CDYL: variants seen among roughly 807,000 people sequenced by gnomAD.
CDYL encodes chromodomain Y like.
A neutral mutation model predicts 47.3 loss-of-function variants in CDYL; 8 were observed. The observed-to-expected ratio is 0.17, with a 90% CI of 0.10 to 0.31. The LOEUF is 0.31. Among genes scored for constraint, CDYL ranks in the 10% least tolerant of loss-of-function variants. The pLI, the probability that CDYL is intolerant of heterozygous loss-of-function variation, is 1.00. For synonymous variants in CDYL, 266 were observed against 265.0 expected (o/e 1.00, Z -0.04); for missense variants, 471 against 701.4 (o/e 0.67, Z 3.71).
intron 1 of CDYL, among the ~76,000 whole-genome samples, chr6:4,788,962 C>T (rs1283394799): frequency 1.3e-5 from 2 of 152,124 alleles, no homozygotes; most frequent in Non-Finnish European, 1.5e-5. Flanking sequence ...AGTTAGAGCC[C>T]TCCCTGTCTT....
chr6:4,742,350 C>T lies in CDYL; in HGVS notation c.186+7506C>T, dbSNP rs1003324430. On this transcript the variant is annotated intron_variant, in intron 3 of 8. Coordinates refer to the CDYL transcript ENST00000328908. The stretch of plus-strand genomic sequence containing the variant: ...CACCACTGCACTCCAGCCTGGGTGA[C>T]AAAGATCCTGTCTCAAAAAAAAAAA... 6.2e-5 allele frequency among the ~76,000 whole-genome samples: 6 copies of T among 97,102 alleles called. No homozygotes were observed. The Admixed American group carries it at 7.8e-4, about 13-fold the overall frequency. 63.7% of individuals were successfully genotyped at this position (97,102 alleles called of 152,430 possible).
chr6:4,776,751 CTGCCCCT>C lies in CDYL; in HGVS notation c.-32_-26del. The C allele has an allele frequency of 9.2e-7, 1 of 1,090,044 alleles. No individual in the cohort carries two copies. The highest frequency in any genetic ancestry group is 1.2e-6 in the Non-Finnish European group (1 of 822,060). The allele number at this position is 1,090,044 out of a possible 1,614,324, so 67.5% of individuals were successfully genotyped here. A position where few individuals can be genotyped will look rare whatever the true frequency, so the allele number is the denominator to read the frequency against. The stretch of plus-strand genomic sequence containing the variant: ...CCCGGCGCCGGCGCCCGCCCCGACC[CTGCCCCT>C]CCCGCCCGCAACTCCGCCGCCCACC... On this transcript the variant is annotated 5_prime_UTR_variant, in exon 1 of 7. Coordinates refer to ENST00000397588, the MANE Select transcript of CDYL (RefSeq NM_004824.4).
chr6:4,926,830 T>C (rs1757888607), intron 2 of CDYL, among the ~76,000 whole-genome samples: 1 of 152,228 alleles, frequency 6.6e-6, no homozygotes, highest in Non-Finnish European at 1.5e-5. Context: ...TTTTATTTTT[T>C]TCATGTATGA....
At chr6:4,896,359 G>A (rs1250309270) in intron 2 of CDYL, among the ~76,000 whole-genome samples, 2 of 152,222 alleles carry the variant, frequency 1.3e-5, no homozygotes, top group South Asian at 4.1e-4. Flanking sequence ...CTCCAAGAAA[G>A]CATTTTGTTT....
chr6:4,758,747 T>C (rs1758118674), intron 3 of CDYL, among the ~76,000 whole-genome samples: 1 of 152,094 alleles, frequency 6.6e-6, no homozygotes, highest in African/African-American at 2.4e-5. Flanking sequence ...AAAGTCACAA[T>C]TGACACTTTA....
Position 4,776,768 on chromosome 6 carries a change from A to AC in CDYL, c.-16_-15insC. ...CCCCGACCCTGCCCCTCCCGCCCGC[A>AC]ACTCCGCCGCCCACCATGGCTTCCG... On this transcript the variant is annotated 5_prime_UTR_variant, in exon 1 of 7. Transcript: ENST00000397588. The AC allele has an allele frequency of 1.9e-6, 1 of 516,246 alleles. No homozygotes were observed. Among genetic ancestry groups the AC allele is most frequent in the Non-Finnish European group, 2.7e-6 (1 of 372,362 alleles). The allele number at this position is 516,246 out of a possible 1,614,324, so 32.0% of individuals were successfully genotyped here. A position where few individuals can be genotyped will look rare whatever the true frequency, so the allele number is the denominator to read the frequency against.
chr6:4,851,166 G>A (rs928542648), intron 1 of CDYL, among the ~76,000 whole-genome samples: 1 of 152,182 alleles, frequency 6.6e-6, no homozygotes, highest in Admixed American at 6.5e-5. Flanking sequence ...AGTAATCTGG[G>A]TCTTCCAACT....
intron 1 of CDYL, among the ~76,000 whole-genome samples, chr6:4,882,999 T>C (rs1052613791): frequency 2.0e-5 from 3 of 152,170 alleles, no homozygotes; most frequent in Non-Finnish European, 4.4e-5. Flanking sequence ...GATGTTACCA[T>C]GACTGTGGGG....
intron 2 of CDYL, among the ~76,000 whole-genome samples, chr6:4,904,533 G>C (rs537171918): frequency 6.6e-6 from 1 of 152,256 alleles, no homozygotes; most frequent in African/African-American, 2.4e-5. Context: ...TCCCTGCCCT[G>C]GCTTTTGGGA....
intron 6 of CDYL, among the ~76,000 whole-genome samples, chr6:4,952,997 A>G (rs887200592): frequency 2.7e-5 from 4 of 150,804 alleles, no homozygotes; most frequent in Non-Finnish European, 3.0e-5. Flanking sequence ...CGAACTCCTG[A>G]CCTCAAGTTG....
At chr6:4,829,137 C>T (rs1760063243) in intron 1 of CDYL, among the ~76,000 whole-genome samples, 1 of 151,994 alleles carries the variant, frequency 6.6e-6, no homozygotes, top group Non-Finnish European at 1.5e-5. Flanking sequence ...TCTTTATATG[C>T]TTTGTGGGGT....
chr6:4,843,579 C>T (rs1760567648), intron 1 of CDYL, among the ~76,000 whole-genome samples: 1 of 150,120 alleles, frequency 6.7e-6, no homozygotes, highest in African/African-American at 2.5e-5. Flanking sequence ...TGTCTTTAAG[C>T]TCTGAAGTTC....
chr6:4,742,547 G>A (rs1757815813), intron 3 of CDYL, among the ~76,000 whole-genome samples: 1 of 152,016 alleles, frequency 6.6e-6, no homozygotes, highest in Non-Finnish European at 1.5e-5. Context: ...GAGAAATATT[G>A]CAGGTATTGG....
chr6:4,754,575 G>A (rs558080430), intron 3 of CDYL, among the ~76,000 whole-genome samples: 2 of 152,276 alleles, frequency 1.3e-5, no homozygotes, highest in Non-Finnish European at 2.9e-5. Context: ...AAACAAAAGA[G>A]TTTAAATTGT....
At chr6:4,808,205 G>A (rs559352892) in intron 1 of CDYL, among the ~76,000 whole-genome samples, 3 of 152,258 alleles carry the variant, frequency 2.0e-5, no homozygotes, top group East Asian at 1.9e-4. Flanking sequence ...GCTTGTTGCC[G>A]TTGCCTCTCG....
chr6:4,761,113 A>T (rs539466445), intron 3 of CDYL, among the ~76,000 whole-genome samples: 1 of 152,314 alleles, frequency 6.6e-6, no homozygotes, highest in Non-Finnish European at 1.5e-5. Context: ...TTTTGCTCCC[A>T]ACTATTGTAC....
chr6:4,921,772 A>G lies in CDYL; in HGVS notation c.692-13743A>G, dbSNP rs369981468. Among the ~76,000 whole-genome samples, 25 of 152,096 alleles carry G rather than the reference A, an allele frequency of 1.6e-4. No homozygotes were observed. In the East Asian group the frequency reaches 4.6e-3, roughly 28 times the overall value. The stretch of plus-strand genomic sequence containing the variant: ...CCACCTCCGTTTCTTTGCTAATGGC[A>G]TAGTACCTCGACATGCCATATACTT... On this transcript the variant is annotated intron_variant, in intron 2 of 6. Transcript: ENST00000397588.
rs1758455845 is a variant in CDYL at position 4,776,558 on chromosome 6, G to C, written c.-226G>C. On this transcript the variant is annotated 5_prime_UTR_variant, in exon 1 of 7. Coordinates refer to ENST00000397588, the MANE Select transcript of CDYL (RefSeq NM_004824.4). Reference sequence around the variant, plus strand: ...AGCCGGCCCGCCGGGGAGTGAGCGCGGGGCGCCCAGGGCGCGTTGCGTAGC... The same window carrying C: ...AGCCGGCCCGCCGGGGAGTGAGCGCCGGGCGCCCAGGGCGCGTTGCGTAGC... 5.4e-6 allele frequency: 1 copy of C among 183,646 alleles called. No homozygotes were observed. The highest frequency in any genetic ancestry group is 2.6e-5 in the African/African-American group (1 of 39,178). The allele number at this position is 183,646 out of a possible 1,614,324, so 11.4% of individuals were successfully genotyped here. A position where few individuals can be genotyped will look rare whatever the true frequency, so the allele number is the denominator to read the frequency against.
intron 1 of CDYL, among the ~76,000 whole-genome samples, chr6:4,803,381 T>G (rs1484771035): frequency 6.6e-6 from 1 of 152,160 alleles, no homozygotes; most frequent in Non-Finnish European, 1.5e-5. Context: ...GGCTATTATC[T>G]CAAGATTTGA....
Sources: allele counts gnomAD v4.1 joint callset (sites outside exome capture counted in the v4.1 genomes callset), GRCh38; gene constraint gnomAD v4.1.1; transcripts MANE v1.5; gene names NCBI Gene and HGNC (gene_info 2026-07-23, HGNC 2026-07-21).